The following PM20D2 variants were observed in gnomAD, a reference collection of about 807,000 sequenced individuals.
The protein encoded by PM20D2 is peptidase M20 domain containing 2.
A neutral mutation model predicts 42.9 loss-of-function variants in PM20D2; 33 were observed. The observed-to-expected ratio is 0.77, with a 90% CI of 0.58 to 1.03. The LOEUF is 1.03. Among genes scored for constraint, PM20D2 ranks in the 50% least tolerant of loss-of-function variants. The pLI is 0.00. For synonymous variants in PM20D2, 250 were observed against 228.2 expected (o/e 1.10, Z -0.86); for missense variants, 548 against 557.0 (o/e 0.98, Z 0.16).
chr6:89,125,444 C>A, the PM20D2 span, among the ~76,000 whole-genome samples: 3 of 151,268 alleles, frequency 2.0e-5, no homozygotes, highest in African/African-American at 7.3e-5. Context: ...CGCGCCACTG[C>A]ACTCCAGCCT....
chr6:89,122,229 C>A, the PM20D2 span, among the ~76,000 whole-genome samples: 2 of 152,198 alleles, frequency 1.3e-5, no homozygotes, highest in Non-Finnish European at 2.9e-5. Context: ...CTATCTCTTA[C>A]ATTCTTTTTG....
At chr6:89,130,425 TACA>T in the PM20D2 span, among the ~76,000 whole-genome samples, 1 of 152,020 alleles carries the variant, frequency 6.6e-6, no homozygotes, top group East Asian at 1.9e-4. Context: ...AGGTAAAACA[TACA>T]TACTGTGAAA....
At position 89,165,362 on chromosome 6, in the gene PM20D2, A is replaced by C. The variant is rs1047591686; in HGVS notation, c.*3099A>C. On this transcript the variant is annotated 3_prime_UTR_variant, in exon 7 of 7. Coordinates refer to ENST00000275072, the MANE Select transcript of PM20D2 (RefSeq NM_001010853.3). Reference sequence around the variant, plus strand: ...AACCCTTTATAAGGTTGTAAGGTATAATAAACTGCTTATTTTTTTACATAC... The same window carrying C: ...AACCCTTTATAAGGTTGTAAGGTATCATAAACTGCTTATTTTTTTACATAC... 7.9e-5 allele frequency: 12 copies of C among 152,186 alleles called. No individual in the cohort carries two copies. The highest frequency in any genetic ancestry group is 5.2e-4 in the Admixed American group (8 of 15,272). 9.4% of individuals were successfully genotyped at this position (152,186 alleles called of 1,614,324 possible). A position where few individuals can be genotyped will look rare whatever the true frequency, so the allele number is the denominator to read the frequency against.
At chr6:89,107,692 C>T in the PM20D2 span, among the ~76,000 whole-genome samples, 1 of 152,024 alleles carries the variant, frequency 6.6e-6, no homozygotes, top group Non-Finnish European at 1.5e-5. Context: ...GCCAAGATCA[C>T]ACCACTGCAC....
At chr6:89,152,910 C>A in intron 2 of PM20D2, 133 bp from the exon 3 acceptor site, 1 of 640,758 alleles carries the variant, frequency 1.6e-6, no homozygotes, top group Non-Finnish European at 2.5e-6. Context: ...GTTATTACTA[C>A]AAATAATTTG....
At chr6:89,098,987 AAAT>A in the PM20D2 span, 2 of 1,549,408 alleles carry the variant, frequency 1.3e-6, no homozygotes, top group Non-Finnish European at 1.7e-6. Context: ...ATTTCACACA[AAAT>A]AAGAGATCAG....
At chr6:89,094,021 A>G in the PM20D2 span, among the ~76,000 whole-genome samples, 286 of 142,174 alleles carry the variant, frequency 2.0e-3, no homozygotes, top group South Asian at 0.018. Context: ...CCCAAGTTCA[A>G]GTGACTTTCC....
At chr6:89,094,538 T>G in the PM20D2 span, among the ~76,000 whole-genome samples, 4 of 152,158 alleles carry the variant, frequency 2.6e-5, no homozygotes, top group African/African-American at 9.7e-5. Context: ...ATATTTTAAT[T>G]TGTAACCTAT....
the PM20D2 span, among the ~76,000 whole-genome samples, chr6:89,102,900 G>T: frequency 1.1e-4 from 16 of 152,042 alleles, no homozygotes; most frequent in Non-Finnish European, 2.4e-4. Flanking sequence ...CCAGTAGCTG[G>T]AACAGGTGTG....
At chr6:89,100,037 A>T in the PM20D2 span, among the ~76,000 whole-genome samples, 2 of 152,168 alleles carry the variant, frequency 1.3e-5, no homozygotes, top group Non-Finnish European at 2.9e-5. Context: ...AGAAAAGTTA[A>T]TTCAGGGCTA....
chr6:89,162,359 A>G lies in PM20D2; in HGVS notation c.*96A>G. ...CATGCTTGTTTTTTAATCTTAAAGGAGTAAAATTCTTTTTACCTGATAAGT... is the reference window on the plus strand; with the variant it reads ...CATGCTTGTTTTTTAATCTTAAAGGGGTAAAATTCTTTTTACCTGATAAGT... On this transcript the variant is annotated 3_prime_UTR_variant, in exon 7 of 7. Coordinates refer to ENST00000275072, the MANE Select transcript of PM20D2 (RefSeq NM_001010853.3). 1.6e-6 allele frequency: 2 copies of G among 1,259,564 alleles called. No individual in the cohort carries two copies. Among genetic ancestry groups the G allele is most frequent in the Non-Finnish European group, 2.2e-6 (2 of 920,392 alleles). The allele number at this position is 1,259,564 out of a possible 1,614,324, so 78.0% of individuals were successfully genotyped here.
intron 4 of PM20D2, among the ~76,000 whole-genome samples, chr6:89,155,258 CTTTTTTTTTTTTTTTTT>C (rs34776724): frequency 1.7e-5 from 1 of 58,924 alleles, no homozygotes; most frequent in African/African-American, 6.6e-5. Context: ...TCAGCAAAAG[CTTTTTTTTTTTTTTTTT>C]TTTTTTTTTT....
At chr6:89,131,639 TAA>T in the PM20D2 span, among the ~76,000 whole-genome samples, 1 of 152,164 alleles carries the variant, frequency 6.6e-6, no homozygotes, top group Non-Finnish European at 1.5e-5. Context: ...GGAGAGGCCT[TAA>T]AAGTTTGTTG....
At chr6:89,130,050 TAAAA>T in the PM20D2 span, among the ~76,000 whole-genome samples, 18 of 149,190 alleles carry the variant, frequency 1.2e-4, 2 homozygotes, top group Admixed American at 4.7e-4. Context: ...TCTTCTAAAT[TAAAA>T]AAAAAAAGTA....
At chr6:89,150,020 A>G (rs1770773496) in intron 2 of PM20D2, among the ~76,000 whole-genome samples, 1 of 152,208 alleles carries the variant, frequency 6.6e-6, no homozygotes, top group Admixed American at 6.5e-5. Context: ...TTTATACCAG[A>G]AATTTCAACC....
intron 1 of PM20D2, 56 bp from the exon 2 acceptor site, chr6:89,149,209 G>A: frequency 6.4e-7 from 1 of 1,572,838 alleles, no homozygotes; most frequent in South Asian, 1.2e-5. Context: ...GAACCTGTTT[G>A]ATATATTCCT....
At position 89,146,133 on chromosome 6, in the gene PM20D2, G is replaced by A. The variant is rs1770531346; in HGVS notation, c.-12G>A. 2.0e-6 allele frequency: 3 copies of A among 1,464,748 alleles called. No individual in the cohort carries two copies. The highest frequency in any genetic ancestry group is 5.2e-5 in the East Asian group (2 of 38,278). 90.7% of individuals were successfully genotyped at this position (1,464,748 alleles called of 1,614,324 possible). On this transcript the variant is annotated 5_prime_UTR_variant, in exon 1 of 7. Transcript: ENST00000275072. Reference sequence around the variant, plus strand: ...GAGCGAGAGGGCGCAGAGGGCAGCGGGCTTGGGCAGCATGAGGCCCGGAGG... The same window carrying A: ...GAGCGAGAGGGCGCAGAGGGCAGCGAGCTTGGGCAGCATGAGGCCCGGAGG...
the PM20D2 span, among the ~76,000 whole-genome samples, chr6:89,140,529 C>T: frequency 1.1e-3 from 175 of 152,220 alleles, 1 homozygote; most frequent in African/African-American, 4.1e-3. Flanking sequence ...AGCACTGCAC[C>T]GGGCCCAAGC....
chr6:89,133,462 T>C, the PM20D2 span, among the ~76,000 whole-genome samples: 4 of 151,056 alleles, frequency 2.6e-5, no homozygotes, highest in African/African-American at 7.4e-5. Context: ...CTCAGCAGGG[T>C]TGGGCCCTGG....
Sources: allele counts gnomAD v4.1 joint callset (sites outside exome capture counted in the v4.1 genomes callset), GRCh38; gene constraint gnomAD v4.1.1; transcripts MANE v1.5; gene names NCBI Gene and HGNC (gene_info 2026-07-23, HGNC 2026-07-21).